BEND3: variants seen among roughly 807,000 people sequenced by gnomAD.
BEND3 encodes the protein BEN domain containing 3, also known as BEN domain-containing protein 3.
In BEND3, 13 loss-of-function variants were observed where a neutral mutation model predicts 60.1. The ratio of observed to expected loss-of-function variants is 0.22; its 90% CI spans 0.14 to 0.34. BEND3 has a LOEUF of 0.34. Ranked by LOEUF, BEND3 falls within the 10% of genes least tolerant of loss-of-function variation. BEND3 has a pLI of 1.00. For synonymous variants in BEND3, 497 were observed against 491.5 expected, an observed-to-expected ratio of 1.01 and a Z score of -0.15; for missense variants, 896 against 1,138.1, an observed-to-expected ratio of 0.79 and a Z score of 3.06.
intron 1 of BEND3, among the ~76,000 whole-genome samples, chr6:107,109,402 C>T (rs1775891164): frequency 7.5e-6 from 1 of 132,914 alleles, no homozygotes; most frequent in South Asian, 2.6e-4. Context: ...GAGATAGTGC[C>T]GTTGCACTCC....
At chr6:107,082,916 T>C (rs2115009113) in intron 3 of BEND3, among the ~76,000 whole-genome samples, 1 of 152,324 alleles carries the variant, frequency 6.6e-6, no homozygotes, top group East Asian at 1.9e-4. Flanking sequence ...AAAAATATTT[T>C]TGGGAGTTCC....
chr6:107,105,180 G>A (rs1775786609), intron 1 of BEND3, among the ~76,000 whole-genome samples: 1 of 151,994 alleles, frequency 6.6e-6, no homozygotes, highest in Admixed American at 6.6e-5. Context: ...AGCCCATCCT[G>A]GCCAACGTGG....
intron 3 of BEND3, among the ~76,000 whole-genome samples, chr6:107,090,328 G>A (rs185924308): frequency 3.3e-5 from 5 of 151,882 alleles, no homozygotes; most frequent in Admixed American, 2.6e-4. Context: ...CAGCCTGGAC[G>A]ACAGAGCAAG....
chr6:107,071,690 T>A (rs1445731214), intron 3 of BEND3, among the ~76,000 whole-genome samples: 1 of 152,244 alleles, frequency 6.6e-6, no homozygotes, highest in Admixed American at 6.5e-5. Context: ...TACAATGGAA[T>A]ATTACTCAGC....
At chr6:107,083,858 G>A (rs529587072) in intron 3 of BEND3, among the ~76,000 whole-genome samples, 6 of 152,206 alleles carry the variant, frequency 3.9e-5, no homozygotes, top group Non-Finnish European at 7.3e-5. Flanking sequence ...GGAGGCCGAG[G>A]TGGGAGATTC....
chr6:107,071,599 C>G (rs1376391757), intron 3 of BEND3, among the ~76,000 whole-genome samples: 1 of 152,198 alleles, frequency 6.6e-6, no homozygotes, highest in Non-Finnish European at 1.5e-5. Context: ...CCAGAACTTT[C>G]TGGCCTGTGC....
rs941313657 is a variant in BEND3 at position 107,077,005 on chromosome 6, G to A, written c.241-6055C>T. 2.6e-5 allele frequency among the ~76,000 whole-genome samples: 4 copies of A among 151,876 alleles called. No homozygotes were observed. The South Asian group carries it at 6.3e-4, about 24-fold the overall frequency. The stretch of plus-strand genomic sequence containing the variant: ...TGGGACCACAGGCACACACCACCAT[G>A]GTCAGCTAATTTTTTTTGTATTTTT... On this transcript the variant is annotated intron_variant, in intron 3 of 3. Coordinates refer to ENST00000369042, the MANE Select transcript of BEND3 (RefSeq NM_001367314.1).
At chr6:107,112,511 CATTAT>C (rs1161009152) in intron 1 of BEND3, among the ~76,000 whole-genome samples, 1 of 152,128 alleles carries the variant, frequency 6.6e-6, no homozygotes, top group Non-Finnish European at 1.5e-5. Context: ...AAAACTTTCC[CATTAT>C]ATTAGTTCTT....
chr6:107,090,486 G>A (rs1554235023), intron 3 of BEND3, among the ~76,000 whole-genome samples: 1 of 152,146 alleles, frequency 6.6e-6, no homozygotes, highest in African/African-American at 2.4e-5. Flanking sequence ...ATAACTGAAG[G>A]TAAAATAAAA....
intron 1 of BEND3, among the ~76,000 whole-genome samples, chr6:107,104,056 G>A (rs368423213): frequency 1.6e-4 from 24 of 151,742 alleles, no homozygotes; most frequent in African/African-American, 4.8e-4. Context: ...CTTTGGAGGC[G>A]GGCAGATCAC....
At chr6:107,071,859 G>A (rs1283344013) in intron 3 of BEND3, among the ~76,000 whole-genome samples, 5 of 152,204 alleles carry the variant, frequency 3.3e-5, no homozygotes, top group Non-Finnish European at 7.3e-5. Flanking sequence ...ATTGCCTAGG[G>A]ATGGCAGGGA....
intron 1 of BEND3, among the ~76,000 whole-genome samples, chr6:107,112,856 GAAA>G (rs1201523509): frequency 1.2e-5 from 1 of 80,104 alleles, no homozygotes. Context: ...TCTGTCTCAA[GAAA>G]AAAAAAAAAA....
rs1448006170 is a variant in BEND3 at position 107,115,257 on chromosome 6, CCT to C, written c.-181_-180del. ...GGCGGGCGAGCGCCGTGTATTTTCC[CCT>C]CTCTTTGTGTGTGTCCGTGCGCTGC... On this transcript the variant is annotated 5_prime_UTR_variant, in exon 1 of 4. Coordinates refer to ENST00000369042, the MANE Select transcript of BEND3 (RefSeq NM_001367314.1). 5 of 149,952 alleles carry C rather than the reference CCT, an allele frequency of 3.3e-5. No homozygotes were observed. Among genetic ancestry groups the C allele is most frequent in the East Asian group, 3.9e-4 (2 of 5,064 alleles). 9.3% of individuals were successfully genotyped at this position (149,952 alleles called of 1,614,324 possible). A position where few individuals can be genotyped will look rare whatever the true frequency, so the allele number is the denominator to read the frequency against.
chr6:107,112,116 T>C (rs1241716563), intron 1 of BEND3, among the ~76,000 whole-genome samples: 1 of 152,222 alleles, frequency 6.6e-6, no homozygotes, highest in Non-Finnish European at 1.5e-5. Context: ...CATTATACAA[T>C]TTGAGGTCTT....
chr6:107,103,000 T>A (rs560289015), intron 1 of BEND3, among the ~76,000 whole-genome samples: 42 of 152,352 alleles, frequency 2.8e-4, no homozygotes, highest in African/African-American at 9.6e-4. Flanking sequence ...GTCTTCATTC[T>A]TTTGTTAAGC....
At chr6:107,111,848 G>A (rs1485207710) in intron 1 of BEND3, among the ~76,000 whole-genome samples, 1 of 151,648 alleles carries the variant, frequency 6.6e-6, no homozygotes, top group African/African-American at 2.4e-5. Flanking sequence ...TGGGTGTGGT[G>A]CCACGCACCT....
At chr6:107,104,205 G>A (rs1775765546) in intron 1 of BEND3, among the ~76,000 whole-genome samples, 1 of 151,216 alleles carries the variant, frequency 6.6e-6, no homozygotes, top group African/African-American at 2.4e-5. Context: ...CAGGAGAATG[G>A]CATGAACCCA....
At chr6:107,089,035 A>G (rs1775414527) in intron 3 of BEND3, among the ~76,000 whole-genome samples, 1 of 152,060 alleles carries the variant, frequency 6.6e-6, no homozygotes, top group East Asian at 1.9e-4. Flanking sequence ...AATCCCAGTT[A>G]CTTGGGAGGC....
Position 107,066,113 on chromosome 6 carries a change from A to AAAAAAAAAAAAAAAAAAT in BEND3, c.*2590_*2591insATTTTTTTTTTTTTTTTT, listed in dbSNP as rs1562294783. On this transcript the variant is annotated 3_prime_UTR_variant, in exon 4 of 4. Transcript: ENST00000369042. ...CAAGGCCAAAAAAAAAAAAAAAAAA[A>AAAAAAAAAAAAAAAAAAT]TCCAAAAAACAAACAACTAAAAACC... 7.0e-6 allele frequency: 1 copy of AAAAAAAAAAAAAAAAAAT among 142,736 alleles called. No homozygotes were observed. Among genetic ancestry groups the AAAAAAAAAAAAAAAAAAT allele is most frequent in the Non-Finnish European group, 1.5e-5 (1 of 65,212 alleles). The allele number at this position is 142,736 out of a possible 1,614,324, so 8.8% of individuals were successfully genotyped here.
Sources: allele counts gnomAD v4.1 joint callset (sites outside exome capture counted in the v4.1 genomes callset), GRCh38; gene constraint gnomAD v4.1.1; transcripts MANE v1.5; gene names NCBI Gene and HGNC (gene_info 2026-07-23, HGNC 2026-07-21).